Variants in ATP6V1C2 observed in about 807,000 individuals in gnomAD.
ATP6V1C2 encodes the protein V-type proton ATPase subunit C 2.
A neutral mutation model predicts 56.8 loss-of-function variants in ATP6V1C2; 45 were observed. The ratio of observed to expected loss-of-function variants is 0.79; its 90% CI spans 0.62 to 1.02. The LOEUF (loss-of-function observed/expected upper bound fraction) is 1.02, where lower values mean the gene tolerates loss of function less well. Among genes scored for constraint, ATP6V1C2 ranks in the 50% least tolerant of loss-of-function variants. ATP6V1C2 has a pLI of 0.00. For synonymous variants in ATP6V1C2, 220 were observed against 201.3 expected (o/e 1.09, Z -0.79); for missense variants, 463 against 519.7 (o/e 0.89, Z 1.06).
chr2:10,727,859 G>A lies in ATP6V1C2; in HGVS notation c.197+1290G>A, dbSNP rs575226196. ...ATGGGGGTTGCAGTGAGCCGAGATC[G>A]CGCCACTTCACTCCAGCCTGGGTGA... On this transcript the variant is annotated intron_variant, in intron 3 of 13. Transcript: ENST00000272238. Among the ~76,000 whole-genome samples, 39 of 152,176 alleles carry A rather than the reference G, an allele frequency of 2.6e-4. No individual in the cohort carries two copies. In the East Asian group the frequency reaches 4.7e-3, roughly 18 times the overall value.
At chr2:10,748,031 G>A (rs1172560450) in intron 3 of ATP6V1C2, among the ~76,000 whole-genome samples, 1 of 151,984 alleles carries the variant, frequency 6.6e-6, no homozygotes, top group Admixed American at 6.6e-5. Flanking sequence ...TAGAGTAGCT[G>A]GTATTACAGG....
Position 10,783,432 on chromosome 2 carries a change from G to C in ATP6V1C2, c.*169G>C. On this transcript the variant is annotated 3_prime_UTR_variant, in exon 14 of 14. Transcript: ENST00000272238. Reference sequence around the variant, plus strand: ...TTATTTTTTTAAGTTACAATAAAATGCTCTCAAGTCCTTTGAATGTTCCAA... The same window carrying C: ...TTATTTTTTTAAGTTACAATAAAATCCTCTCAAGTCCTTTGAATGTTCCAA... 2.0e-6 allele frequency: 1 copy of C among 506,908 alleles called. No homozygotes were observed. Among genetic ancestry groups the C allele is most frequent in the East Asian group, 3.3e-5 (1 of 30,250 alleles). The allele number at this position is 506,908 out of a possible 1,614,324, so 31.4% of individuals were successfully genotyped here. A position where few individuals can be genotyped will look rare whatever the true frequency, so the allele number is the denominator to read the frequency against.
At chr2:10,768,692 C>A (rs778317982) in intron 5 of ATP6V1C2, 27 bp from the exon 6 acceptor site, 1 of 1,606,578 alleles carries the variant, frequency 6.2e-7, no homozygotes, top group Non-Finnish European at 8.5e-7. Context: ...CTCAGGGTCA[C>A]CTGGAGCTTT....
At chr2:10,746,536 C>T (rs776578149) in intron 3 of ATP6V1C2, among the ~76,000 whole-genome samples, 3 of 151,940 alleles carry the variant, frequency 2.0e-5, no homozygotes, top group Non-Finnish European at 2.9e-5. Flanking sequence ...CCTCAGCCTC[C>T]GAAGTAGCTG....
chr2:10,777,433 TACC>T (rs1665066656), intron 10 of ATP6V1C2, 149 bp from the exon 11 acceptor site: 20 of 941,956 alleles, frequency 2.1e-5, no homozygotes, highest in Non-Finnish European at 3.1e-5. Context: ...GGTGGGCACC[TACC>T]ACATCTCTAG....
At chr2:10,743,095 T>C (rs1425217769) in intron 3 of ATP6V1C2, among the ~76,000 whole-genome samples, 1 of 152,172 alleles carries the variant, frequency 6.6e-6, no homozygotes, top group African/African-American at 2.4e-5. Flanking sequence ...TACTCACTGC[T>C]TTGTCTATTT....
rs181057927 is a variant in ATP6V1C2 at position 10,773,881 on chromosome 2, A to G, written c.639-907A>G. On this transcript the variant is annotated intron_variant, in intron 8 of 13. Coordinates refer to ENST00000272238, the MANE Select transcript of ATP6V1C2 (RefSeq NM_001039362.2). The stretch of plus-strand genomic sequence containing the variant: ...CTACGAGATGGCAATCGGGATCTAA[A>G]TTGAAGGGTGCAAGGAACAGGACAA... 2.3e-3 allele frequency among the ~76,000 whole-genome samples: 343 copies of G among 152,304 alleles called. 1 individual carries two copies. Among genetic ancestry groups the G allele is most frequent in the African/African-American group, 7.4e-3 (307 of 41,562 alleles).
At chr2:10,756,065 A>G (rs2148463718) in intron 4 of ATP6V1C2, among the ~76,000 whole-genome samples, 1 of 152,268 alleles carries the variant, frequency 6.6e-6, no homozygotes, top group African/African-American at 2.4e-5. Context: ...ATGAGAGTAG[A>G]GATTATACTG....
chr2:10,730,359 T>C (rs965677880), intron 3 of ATP6V1C2, among the ~76,000 whole-genome samples: 3 of 152,082 alleles, frequency 2.0e-5, no homozygotes, highest in Non-Finnish European at 4.4e-5. Context: ...CAAGTGATCT[T>C]CCAGCTTCAG....
At chr2:10,736,510 C>A (rs926309361) in intron 3 of ATP6V1C2, among the ~76,000 whole-genome samples, 1 of 152,104 alleles carries the variant, frequency 6.6e-6, no homozygotes, top group African/African-American at 2.4e-5. Context: ...GATTAGGCTA[C>A]CCAGTGGTTT....
chr2:10,747,200 G>A (rs180832316), intron 3 of ATP6V1C2, among the ~76,000 whole-genome samples: 4 of 151,572 alleles, frequency 2.6e-5, no homozygotes, highest in East Asian at 1.9e-4. Flanking sequence ...CCCGGGAGGT[G>A]GAGGTTGCAG....
chr2:10,729,890 G>A (rs1661859934), intron 3 of ATP6V1C2, among the ~76,000 whole-genome samples: 1 of 152,202 alleles, frequency 6.6e-6, no homozygotes, highest in Admixed American at 6.5e-5. Flanking sequence ...CAGGGGCTGG[G>A]TGGTGGCCTG....
chr2:10,753,477 C>G (rs1663335985), intron 3 of ATP6V1C2, among the ~76,000 whole-genome samples: 1 of 151,920 alleles, frequency 6.6e-6, no homozygotes. Context: ...CTGTTTGTCC[C>G]ATTTCCTTAA....
Position 10,774,974 on chromosome 2 carries a change from T to C in ATP6V1C2, c.732-4T>C, listed in dbSNP as rs1173004764. ...GTGAAAACCCATGATTTGCTTGTTT[T>C]AAGGTTCACTGTTCGTGAATTTTAC... is the stretch of plus-strand genomic sequence containing the variant. On this transcript the variant is annotated splice_region_variant and splice_polypyrimidine_tract_variant and intron_variant, in intron 9 of 13. Transcript: ENST00000272238. 6.2e-7 allele frequency: 1 copy of C among 1,613,936 alleles called. No homozygotes were observed. The highest frequency in any genetic ancestry group is 8.5e-7 in the Non-Finnish European group (1 of 1,179,886).
intron 4 of ATP6V1C2, among the ~76,000 whole-genome samples, chr2:10,761,622 A>G (rs1663909998): frequency 6.6e-6 from 1 of 152,224 alleles, no homozygotes; most frequent in Non-Finnish European, 1.5e-5. Flanking sequence ...CTAAGATCAG[A>G]CAACCTGGTT....
intron 3 of ATP6V1C2, among the ~76,000 whole-genome samples, chr2:10,744,001 TAATAATAAATA>T (rs1238687064): frequency 1.5e-5 from 2 of 136,678 alleles, no homozygotes; most frequent in African/African-American, 5.7e-5. Context: ...AAAAAAATAA[TAATAATAAATA>T]AATAAATAAA....
intron 3 of ATP6V1C2, among the ~76,000 whole-genome samples, chr2:10,733,418 GAAGGC>G (rs1662075164): frequency 6.6e-6 from 1 of 152,202 alleles, no homozygotes; most frequent in African/African-American, 2.4e-5. Flanking sequence ...GGAGAACAGA[GAAGGC>G]ACAAGCGTTT....
In ATP6V1C2 at chr2:10,783,306, TACAG is replaced by T. The variant is rs1423577491; in HGVS notation, c.*47_*50del. The T allele has an allele frequency of 7.7e-7, 1 of 1,293,156 alleles. No individual in the cohort carries two copies. 80.1% of individuals were successfully genotyped at this position (1,293,156 alleles called of 1,614,324 possible). A position where few individuals can be genotyped will look rare whatever the true frequency, so the allele number is the denominator to read the frequency against. On this transcript the variant is annotated 3_prime_UTR_variant, in exon 14 of 14. Coordinates refer to ENST00000272238, the MANE Select transcript of ATP6V1C2 (RefSeq NM_001039362.2). ...TCTGTCTCATGTTCGTGCAGATTAT[TACAG>T]ACACCTCTTTCCTTTAGCCAGAGAA...
intron 4 of ATP6V1C2, chr2:10,757,594 C>A: frequency 2.5e-6 from 1 of 396,420 alleles, no homozygotes; most frequent in South Asian, 1.3e-4. Flanking sequence ...GTAACTTGGT[C>A]ACAATATCCA....
Sources: allele counts gnomAD v4.1 joint callset (sites outside exome capture counted in the v4.1 genomes callset), GRCh38; gene constraint gnomAD v4.1.1; transcripts MANE v1.5; gene names NCBI Gene and HGNC (gene_info 2026-07-23, HGNC 2026-07-21).